Variants in CHM observed in about 807,000 individuals in gnomAD.
CHM encodes the protein CHM Rab escort protein.
In CHM, 10 loss-of-function variants were observed where a neutral mutation model predicts 49.0. That is an observed-to-expected ratio of 0.20 (90% CI 0.13 to 0.35). The LOEUF is 0.35. Ranked by LOEUF, CHM falls within the 10% of genes least tolerant of loss-of-function variation. CHM has a pLI of 1.00. For synonymous variants in CHM, 184 were observed against 167.5 expected, an observed-to-expected ratio of 1.10 and a Z score of -0.76; for missense variants, 455 against 478.4, an observed-to-expected ratio of 0.95 and a Z score of 0.46.
intron 14 of CHM, among the ~76,000 whole-genome samples, chrX:85,870,209 A>G (rs1410798979): frequency 8.9e-6 from 1 of 111,935 alleles, no homozygotes; most frequent in African/African-American, 3.2e-5. Flanking sequence ...TGTTTTGAGG[A>G]CCAAATAAGA....
chrX:85,874,094 G>C (rs912568748), intron 13 of CHM, among the ~76,000 whole-genome samples: 10 of 111,310 alleles, frequency 9.0e-5, no homozygotes, highest in Non-Finnish European at 1.9e-4. Context: ...GCACACGACA[G>C]ATGCTCAGTA....
chrX:85,900,377 G>A (rs1301873369), intron 11 of CHM, among the ~76,000 whole-genome samples: 3 of 111,335 alleles, frequency 2.7e-5, no homozygotes, highest in South Asian at 7.5e-4. Context: ...ATGGGGAGAC[G>A]TTGGTCAAAG....
At chrX:86,015,388 T>G (rs1360954411) in intron 2 of CHM, among the ~76,000 whole-genome samples, 1 of 112,012 alleles carries the variant, frequency 8.9e-6, no homozygotes, top group African/African-American at 3.2e-5. Context: ...CAATTAAACA[T>G]CTTTTTCATC....
At chrX:86,009,896 C>G (rs762086648) in intron 2 of CHM, among the ~76,000 whole-genome samples, 2 of 110,165 alleles carry the variant, frequency 1.8e-5, no homozygotes, top group Admixed American at 9.7e-5. Context: ...GATCCTGGAA[C>G]AGAATAACAT....
intron 2 of CHM, among the ~76,000 whole-genome samples, chrX:85,987,532 A>G (rs1357364748): frequency 1.8e-5 from 2 of 112,350 alleles, no homozygotes; most frequent in Non-Finnish European, 3.8e-5. Flanking sequence ...AAGAATGTCA[A>G]TGAAGACAGG....
intron 2 of CHM, among the ~76,000 whole-genome samples, chrX:86,017,680 C>T (rs1933360871): frequency 9.0e-6 from 1 of 111,082 alleles, no homozygotes; most frequent in Non-Finnish European, 1.9e-5. Context: ...TGAAAACAGA[C>T]TAATACAACA....
At chrX:85,970,499 T>C (rs2147689019) in intron 4 of CHM, 1 of 739,866 alleles carries the variant, frequency 1.4e-6, no homozygotes, top group East Asian at 1.5e-4. Context: ...TACAACATGA[T>C]ACACTGGAAA....
At chrX:86,009,380 T>C (rs1165340591) in intron 2 of CHM, among the ~76,000 whole-genome samples, 1 of 112,179 alleles carries the variant, frequency 8.9e-6, no homozygotes, top group African/African-American at 3.2e-5. Flanking sequence ...ATTTACTGAG[T>C]ACCTACTATG....
At chrX:86,009,756 T>G (rs1932978915) in intron 2 of CHM, among the ~76,000 whole-genome samples, 2 of 111,336 alleles carry the variant, frequency 1.8e-5, no homozygotes, top group African/African-American at 6.5e-5. Flanking sequence ...TAAACCTCTT[T>G]CATAGAGGTA....
intron 12 of CHM, among the ~76,000 whole-genome samples, chrX:85,889,518 G>A (rs1925307732): frequency 8.9e-6 from 1 of 111,840 alleles, no homozygotes; most frequent in Admixed American, 9.5e-5. Context: ...TCTCACCCCA[G>A]TCAGAACGGC....
chrX:85,966,282 G>C (rs913955906), intron 4 of CHM, among the ~76,000 whole-genome samples: 5 of 106,556 alleles, frequency 4.7e-5, no homozygotes, highest in African/African-American at 1.7e-4. Context: ...CCAGGAGGCG[G>C]AGGTAGCAGT....
chrX:85,913,134 G>A, intron 8 of CHM, among the ~76,000 whole-genome samples: 1 of 61,752 alleles, frequency 1.6e-5, no homozygotes, highest in South Asian at 5.3e-4. Flanking sequence ...AGACCAGCCC[G>A]GTGAAACCTT....
chrX:85,908,387 C>T (rs1310897786), intron 9 of CHM, among the ~76,000 whole-genome samples: 1 of 111,884 alleles, frequency 8.9e-6, no homozygotes, highest in Non-Finnish European at 1.9e-5. Context: ...CCTGAGCCAA[C>T]TTCAGTCAAT....
rs1274338876 is a variant in CHM, at chrX:85,949,174, G to T, written c.1166+6979C>A. Among the ~76,000 whole-genome samples, 7 of 112,097 alleles carry T rather than the reference G, an allele frequency of 6.2e-5. No individual in the cohort carries two copies. The East Asian group carries it at 1.1e-3, about 18-fold the overall frequency. On this transcript the variant is annotated intron_variant, in intron 8 of 14. Coordinates refer to ENST00000357749, the MANE Select transcript of CHM (RefSeq NM_000390.4). ...CCTTAAGGTTACAACCATCTTTGGAGAAAAATGTTTTCTTTGTCTAAGATT... is the reference window on the plus strand; with the variant it reads ...CCTTAAGGTTACAACCATCTTTGGATAAAAATGTTTTCTTTGTCTAAGATT...
intron 1 of CHM, among the ~76,000 whole-genome samples, chrX:86,045,330 T>G (rs1235195127): frequency 8.9e-6 from 1 of 112,126 alleles, no homozygotes; most frequent in Admixed American, 9.4e-5. Context: ...TAAATCAAAT[T>G]AAATCATGAT....
chrX:85,936,955 T>C (rs1311554070), intron 8 of CHM, among the ~76,000 whole-genome samples: 1 of 111,791 alleles, frequency 8.9e-6, no homozygotes, highest in Non-Finnish European at 1.9e-5. Context: ...AGAATTATCT[T>C]GAACAATCTT....
chrX:85,872,210 T>C (rs1198985420), intron 14 of CHM, among the ~76,000 whole-genome samples: 1 of 112,194 alleles, frequency 8.9e-6, no homozygotes, highest in Non-Finnish European at 1.9e-5. Context: ...CTGGCGGGAA[T>C]GAAAGTTCCA....
intron 8 of CHM, among the ~76,000 whole-genome samples, chrX:85,954,235 C>A (rs191922922): frequency 1.8e-5 from 2 of 112,006 alleles, no homozygotes; most frequent in African/African-American, 6.5e-5. Flanking sequence ...TATTTTATTA[C>A]CCCAGTTAAA....
intron 8 of CHM, among the ~76,000 whole-genome samples, chrX:85,939,002 C>T (rs761607373): frequency 3.6e-5 from 4 of 112,065 alleles, no homozygotes; most frequent in African/African-American, 1.3e-4. Context: ...TGTACCTTTC[C>T]TATGCTTACG....
Sources: allele counts gnomAD v4.1 joint callset (sites outside exome capture counted in the v4.1 genomes callset), GRCh38; gene constraint gnomAD v4.1.1; transcripts MANE v1.5; gene names NCBI Gene and HGNC (gene_info 2026-07-23, HGNC 2026-07-21).